Variants in TNIK observed in about 807,000 individuals in gnomAD.
The protein encoded by TNIK is TRAF2 and NCK interacting kinase.
TNIK carries 49 observed loss-of-function variants against 191.3 expected under a neutral mutation model. The ratio of observed to expected loss-of-function variants is 0.26; its 90% CI spans 0.20 to 0.32. TNIK has a LOEUF of 0.32. Ranked by LOEUF, TNIK falls within the 10% of genes least tolerant of loss-of-function variation. TNIK has a pLI of 1.00. For missense variants in TNIK, 1,155 were observed against 1,702.3 expected (o/e 0.68, Z 5.66); for synonymous variants, 594 against 600.9 (o/e 0.99, Z 0.17).
At chr3:171,378,676 G>A (rs1331823763) in intron 1 of TNIK, among the ~76,000 whole-genome samples, 1 of 151,958 alleles carries the variant, frequency 6.6e-6, no homozygotes, top group Non-Finnish European at 1.5e-5. Context: ...TTCTTCCACC[G>A]ACAGCCACAA....
intron 1 of TNIK, among the ~76,000 whole-genome samples, chr3:171,451,570 C>T (rs1475914090): frequency 6.6e-6 from 1 of 152,222 alleles, no homozygotes; most frequent in Non-Finnish European, 1.5e-5. Flanking sequence ...ATAATACAGG[C>T]AGCATCTCAC....
intron 1 of TNIK, among the ~76,000 whole-genome samples, chr3:171,408,674 A>G (rs1271629740): frequency 6.6e-6 from 1 of 152,152 alleles, no homozygotes; most frequent in Non-Finnish European, 1.5e-5. Context: ...TGTTGTGATG[A>G]TTAAATGAAG....
chr3:171,270,835 T>A (rs1329615866), intron 2 of TNIK, among the ~76,000 whole-genome samples: 1 of 152,230 alleles, frequency 6.6e-6, no homozygotes, highest in Non-Finnish European at 1.5e-5. Flanking sequence ...GGTTCCTGCT[T>A]CATAGAGGTT....
At chr3:171,453,107 T>A (rs1197592024) in intron 1 of TNIK, among the ~76,000 whole-genome samples, 1 of 152,202 alleles carries the variant, frequency 6.6e-6, no homozygotes, top group African/African-American at 2.4e-5. Context: ...CCAGCCCTTC[T>A]AAAAGGGTTG....
intron 1 of TNIK, among the ~76,000 whole-genome samples, chr3:171,372,210 A>C (rs1716589255): frequency 6.6e-6 from 1 of 152,164 alleles, no homozygotes; most frequent in South Asian, 2.1e-4. Context: ...AACCAATCAA[A>C]ACCAAGGAGG....
At chr3:171,373,772 A>G (rs897620752) in intron 1 of TNIK, among the ~76,000 whole-genome samples, 2 of 152,146 alleles carry the variant, frequency 1.3e-5, no homozygotes, top group African/African-American at 4.8e-5. Flanking sequence ...CATACTGCCC[A>G]TCTGCCAAGA....
Position 171,311,581 on chromosome 3 carries a change from A to G in TNIK, c.123+58039T>C, listed in dbSNP as rs553540809. Among the ~76,000 whole-genome samples, 5 of 152,298 alleles carry G rather than the reference A, an allele frequency of 3.3e-5. No homozygotes were observed. In the South Asian group the frequency reaches 1.0e-3, roughly 32 times the overall value. On this transcript the variant is annotated intron_variant, in intron 2 of 32. Coordinates refer to ENST00000436636, the MANE Select transcript of TNIK (RefSeq NM_015028.4). ...CTGGGTTTGTCTGATTCCAGAGCAC[A>G]CGCTGATTTTTCTACATTGGGTTGC...
intron 28 of TNIK, among the ~76,000 whole-genome samples, chr3:171,074,991 A>G (rs904183237): frequency 1.3e-5 from 2 of 152,258 alleles, no homozygotes; most frequent in Non-Finnish European, 1.5e-5. Flanking sequence ...AGGGACGGCA[A>G]TGATTAGAAG....
At chr3:171,122,922 A>G (rs1006137767) in intron 18 of TNIK, among the ~76,000 whole-genome samples, 31 of 152,180 alleles carry the variant, frequency 2.0e-4, no homozygotes, top group Non-Finnish European at 1.5e-5. Flanking sequence ...TTTACTTTCC[A>G]GCTTCTTGAG....
chr3:171,424,244 A>G (rs1242298855), intron 1 of TNIK, among the ~76,000 whole-genome samples: 1 of 152,268 alleles, frequency 6.6e-6, no homozygotes, highest in Non-Finnish European at 1.5e-5. Flanking sequence ...GCTCATCATC[A>G]CTTGCCATCA....
chr3:171,138,175 A>G lies in TNIK; in HGVS notation c.1608+16T>C, dbSNP rs1414731971. The G allele has an allele frequency of 7.0e-6, 11 of 1,567,570 alleles. No individual in the cohort carries two copies. Among genetic ancestry groups the G allele is most frequent in the Non-Finnish European group, 8.6e-6 (10 of 1,160,398 alleles). On this transcript the variant is annotated intron_variant, in intron 15 of 32. Coordinates refer to ENST00000436636, the MANE Select transcript of TNIK (RefSeq NM_015028.4). ...AAAGCCTGGCCAACAGGGTGAGGCTACCCTTGCTTACTTACCTCCTTGGCC... is the reference window on the plus strand; with the variant it reads ...AAAGCCTGGCCAACAGGGTGAGGCTGCCCTTGCTTACTTACCTCCTTGGCC...
At chr3:171,191,504 C>T (rs936290255) in intron 5 of TNIK, among the ~76,000 whole-genome samples, 14 of 152,276 alleles carry the variant, frequency 9.2e-5, no homozygotes, top group African/African-American at 3.1e-4. Flanking sequence ...TCCCAAAGTG[C>T]TGGGAATCCA....
chr3:171,075,008 G>T (rs959541465), intron 28 of TNIK, among the ~76,000 whole-genome samples: 1 of 152,216 alleles, frequency 6.6e-6, no homozygotes, highest in Non-Finnish European at 1.5e-5. Flanking sequence ...GAAGGAAGAC[G>T]TCAGAAATGT....
chr3:171,130,880 G>A (rs1200998669), intron 15 of TNIK, among the ~76,000 whole-genome samples: 8 of 152,144 alleles, frequency 5.3e-5, no homozygotes, highest in Admixed American at 5.2e-4. Context: ...TACACTGATA[G>A]CTTTAAATGT....
intron 2 of TNIK, among the ~76,000 whole-genome samples, chr3:171,318,107 C>A (rs1754825843): frequency 6.6e-6 from 1 of 152,090 alleles, no homozygotes; most frequent in Non-Finnish European, 1.5e-5. Context: ...CCACCCCAAC[C>A]CTATGCTGCT....
chr3:171,393,788 T>C lies in TNIK; in HGVS notation c.58-24103A>G, dbSNP rs180955764. ...TACAACTTAGAAATCAAATGTCATG[T>C]TCATTTATCAGGTATTTATTCTATT... is the stretch of plus-strand genomic sequence containing the variant. On this transcript the variant is annotated intron_variant, in intron 1 of 32. Coordinates refer to ENST00000436636, the MANE Select transcript of TNIK (RefSeq NM_015028.4). Among the ~76,000 whole-genome samples the C allele has an allele frequency of 2.6e-5, 4 of 152,310 alleles. No homozygotes were observed. The East Asian group carries it at 7.7e-4, about 29-fold the overall frequency.
At chr3:171,147,335 C>T (rs1731765959) in intron 12 of TNIK, among the ~76,000 whole-genome samples, 1 of 152,212 alleles carries the variant, frequency 6.6e-6, no homozygotes, top group African/African-American at 2.4e-5. Context: ...CTGCACATCA[C>T]ACATGCCCCC....
In TNIK at chr3:171,058,920, T is replaced by C. The variant is rs575627064; in HGVS notation, c.*4961A>G. ...CATTTGAAGTTTTGATTCAGGGTAA[T>C]GTCCAAGGTTTCTTAAACATACCAT... On this transcript the variant is annotated 3_prime_UTR_variant, in exon 33 of 33. Coordinates refer to ENST00000436636, the MANE Select transcript of TNIK (RefSeq NM_015028.4). 2.0e-5 allele frequency among the ~76,000 whole-genome samples: 3 copies of C among 152,374 alleles called. No homozygotes were observed. The highest frequency in any genetic ancestry group is 6.5e-5 in the Admixed American group (1 of 15,304).
At chr3:171,305,050 G>GAAAA (rs11440018) in intron 2 of TNIK, among the ~76,000 whole-genome samples, 1 of 133,880 alleles carries the variant, frequency 7.5e-6, no homozygotes, top group Non-Finnish European at 1.6e-5. Context: ...CTGCCACAGG[G>GAAAA]AAAAAAAAAA....
Sources: gnomAD v4.1 joint callset for allele counts (sites outside exome capture counted in the v4.1 genomes callset) on GRCh38, gnomAD v4.1.1 for gene constraint, MANE v1.5 for transcripts, NCBI Gene and HGNC (gene_info 2026-07-23, HGNC 2026-07-21) for gene names.